The following NBEA variants were observed in gnomAD, a reference collection of about 807,000 sequenced individuals.
The protein encoded by NBEA is lysosomal-trafficking regulator 2.
In NBEA, 44 loss-of-function variants were observed where a neutral mutation model predicts 343.4. That is an observed-to-expected ratio of 0.13 (90% confidence interval 0.10 to 0.16). NBEA has a LOEUF of 0.16. Ranked by LOEUF, NBEA falls within the 10% of genes least tolerant of loss-of-function variation. The probability of loss-of-function intolerance (pLI) is 1.00; values close to 1 mark genes in which losing one functional copy is unlikely to be tolerated. For synonymous variants in NBEA, 1,175 were observed against 1,238.7 expected (o/e 0.95, Z 1.08); for missense variants, 2,555 against 3,631.3 (o/e 0.70, Z 7.62).
intron 6 of NBEA, among the ~76,000 whole-genome samples, chr13:35,055,584 G>A (rs2063224682): frequency 1.3e-5 from 2 of 151,954 alleles, no homozygotes; most frequent in South Asian, 2.1e-4. Context: ...TCTCTTCACT[G>A]TAATCACCAT....
chr13:35,230,128 AT>A lies in NBEA; in HGVS notation c.5649-2363del, dbSNP rs560191591. On this transcript the variant is annotated intron_variant, in intron 33 of 58. Coordinates refer to ENST00000379939, the MANE Select transcript of NBEA (RefSeq NM_001385012.1). ...TTTATAAGAAAATATTTGCAAAAAA[AT>A]CTTAATAGGGATTCACTTTCTGAGA... 1.5e-3 allele frequency among the ~76,000 whole-genome samples: 227 copies of A among 152,256 alleles called. 1 individual carries two copies. The highest frequency in any genetic ancestry group is 5.3e-3 in the African/African-American group (221 of 41,580).
At chr13:35,153,287 C>T (rs1366191429) in intron 18 of NBEA, among the ~76,000 whole-genome samples, 3 of 152,094 alleles carry the variant, frequency 2.0e-5, no homozygotes, top group Non-Finnish European at 4.4e-5. Context: ...CCCACCTCGG[C>T]CTCCCAAAGT....
At chr13:34,965,957 A>T (rs1040655673) in intron 1 of NBEA, among the ~76,000 whole-genome samples, 1 of 152,074 alleles carries the variant, frequency 6.6e-6, no homozygotes, top group African/African-American at 2.4e-5. Context: ...TTTTGATTTA[A>T]TATTAGTAGG....
chr13:35,122,476 A>C (rs2066856152), intron 16 of NBEA, among the ~76,000 whole-genome samples: 2 of 150,642 alleles, frequency 1.3e-5, no homozygotes, highest in South Asian at 4.2e-4. Flanking sequence ...TAGGACAAAA[A>C]ACCAAATACC....
intron 1 of NBEA, among the ~76,000 whole-genome samples, chr13:34,968,309 T>C (rs536506073): frequency 1.3e-5 from 2 of 152,144 alleles, no homozygotes; most frequent in Non-Finnish European, 2.9e-5. Context: ...GGCCACGTAA[T>C]TGAACTCAAG....
chr13:35,224,093 T>A (rs1160892292), intron 33 of NBEA, among the ~76,000 whole-genome samples: 1 of 152,196 alleles, frequency 6.6e-6, no homozygotes, highest in Non-Finnish European at 1.5e-5. Context: ...AAACTTGGGA[T>A]CTGTCTGTTT....
intron 1 of NBEA, among the ~76,000 whole-genome samples, chr13:35,032,014 G>T (rs112322630): frequency 0.043 from 6,576 of 151,516 alleles, 254 homozygotes; most frequent in African/African-American, 0.099. Flanking sequence ...TATTCCATCT[G>T]GTATATGTAC....
intron 38 of NBEA, among the ~76,000 whole-genome samples, chr13:35,386,107 A>G (rs2042231937): frequency 6.6e-6 from 1 of 152,140 alleles, no homozygotes; most frequent in South Asian, 2.1e-4. Context: ...TAAAATATAT[A>G]ATTTGAAGTT....
intron 1 of NBEA, among the ~76,000 whole-genome samples, chr13:35,020,067 C>T (rs1251349576): frequency 1.3e-5 from 2 of 151,774 alleles, no homozygotes; most frequent in African/African-American, 4.8e-5. Flanking sequence ...GTATAACATG[C>T]TCTTCTTTTA....
intron 11 of NBEA, 29 bp downstream of exon 11, chr13:35,098,434 G>A: frequency 1.4e-6 from 2 of 1,478,000 alleles, no homozygotes; most frequent in Non-Finnish European, 1.9e-6. Context: ...TGGTTTTATT[G>A]TGTAGCTTCA....
intron 51 of NBEA, among the ~76,000 whole-genome samples, chr13:35,647,451 T>C (rs2153077274): frequency 6.6e-6 from 1 of 152,330 alleles, no homozygotes; most frequent in East Asian, 1.9e-4. Flanking sequence ...TAACGAATTT[T>C]TATTGAGCCC....
At chr13:35,065,257 C>T (rs1401057850) in intron 8 of NBEA, among the ~76,000 whole-genome samples, 3 of 151,882 alleles carry the variant, frequency 2.0e-5, no homozygotes, top group African/African-American at 7.2e-5. Flanking sequence ...ACTTTTCTTT[C>T]TTTGGATGTC....
chr13:35,416,244 T>A (rs887027434), intron 38 of NBEA, among the ~76,000 whole-genome samples: 4 of 152,210 alleles, frequency 2.6e-5, no homozygotes, highest in Non-Finnish European at 5.9e-5. Context: ...CTTGCCTGAT[T>A]GCCCTGGCCA....
chr13:35,349,862 A>G (rs2040089348), intron 37 of NBEA, among the ~76,000 whole-genome samples: 1 of 152,102 alleles, frequency 6.6e-6, no homozygotes. Flanking sequence ...ATACAAGTTG[A>G]TAGACTAGGT....
chr13:35,542,454 G>A (rs1159294076), intron 41 of NBEA, among the ~76,000 whole-genome samples: 2 of 151,836 alleles, frequency 1.3e-5, no homozygotes, highest in African/African-American at 4.8e-5. Context: ...CAATCTTTTG[G>A]TCCATATTAC....
chr13:35,477,356 C>T (rs562123147), intron 41 of NBEA: 20 of 154,346 alleles, frequency 1.3e-4, no homozygotes, highest in African/African-American at 4.8e-4. Flanking sequence ...TGTTCTACCC[C>T]TGTTTAAGTT....
At chr13:35,141,229 T>C (rs2068073171) in intron 17 of NBEA, among the ~76,000 whole-genome samples, 1 of 152,058 alleles carries the variant, frequency 6.6e-6, no homozygotes, top group Non-Finnish European at 1.5e-5. Flanking sequence ...ATACTGAGAA[T>C]TGGGAGAGAA....
intron 33 of NBEA, 69 bp downstream of exon 33, chr13:35,211,248 A>C: frequency 7.9e-7 from 1 of 1,263,908 alleles, no homozygotes; most frequent in African/African-American, 1.5e-5. Context: ...CAAAAATACA[A>C]AAATATAGAA....
At chr13:35,141,649 A>C (rs1283498940) in intron 17 of NBEA, among the ~76,000 whole-genome samples, 2 of 152,202 alleles carry the variant, frequency 1.3e-5, no homozygotes, top group African/African-American at 4.8e-5. Flanking sequence ...GGAGGCCTTT[A>C]ATGGAACCTT....
Sources: gnomAD v4.1 joint callset for allele counts (sites outside exome capture counted in the v4.1 genomes callset) on GRCh38, gnomAD v4.1.1 for gene constraint, MANE v1.5 for transcripts, NCBI Gene and HGNC (gene_info 2026-07-23, HGNC 2026-07-21) for gene names.